Variants in DOCK7 observed in about 807,000 individuals in gnomAD.
DOCK7 encodes the protein dedicator of cytokinesis 7, also known as dedicator of cytokinesis protein 7.
In DOCK7, 138 loss-of-function variants were observed where a neutral mutation model predicts 271.0. The ratio of observed to expected loss-of-function variants is 0.51; its 90% confidence interval spans 0.44 to 0.59. The LOEUF (loss-of-function observed/expected upper bound fraction) is 0.59. Ranked by LOEUF, DOCK7 falls within the 20% of genes least tolerant of loss-of-function variation. DOCK7 has a pLI of 0.00. For synonymous variants in DOCK7, 823 were observed against 876.1 expected (o/e 0.94, Z 1.07); for missense variants, 2,066 against 2,592.4 (o/e 0.80, Z 4.41).
At chr1:62,612,810 G>A (rs1002969965) in intron 14 of DOCK7, among the ~76,000 whole-genome samples, 18 of 152,010 alleles carry the variant, frequency 1.2e-4, no homozygotes, top group African/African-American at 3.9e-4. Flanking sequence ...TCTTAGTAAC[G>A]CACCATGTTT....
chr1:62,542,623 G>T lies in DOCK7; in HGVS notation c.3030C>A (p.Phe1010Leu). 1 of 1,611,854 alleles carries T rather than the reference G, an allele frequency of 6.2e-7. No homozygotes were observed. Among genetic ancestry groups the T allele is most frequent in the Non-Finnish European group, 8.5e-7 (1 of 1,178,756 alleles). The stretch of plus-strand genomic sequence containing the variant: ...TTTTGCTCACCATTAATTCAAAAAA[G>T]AACCAGGCTTGTTGCAAAGCTGATT... ...VRESALQQAW[F>L]FFELMVKSMV... The change falls in exon 25 of 50, where the codon TTC (phenylalanine) becomes TTA (leucine). Residue 1010 changes from phenylalanine (F) to leucine (L), a missense_variant. Around this residue, in one of 2 missense-constraint regions of DOCK7, gnomAD observed 1,414 missense variants for 1,670.4 expected, o/e 0.85. Transcript: ENST00000635253.
intron 18 of DOCK7, among the ~76,000 whole-genome samples, chr1:62,568,022 C>T (rs1310960868): frequency 6.6e-6 from 1 of 152,070 alleles, no homozygotes; most frequent in Non-Finnish European, 1.5e-5. Context: ...CACTCCTCAG[C>T]AAATGCAAAA....
At chr1:62,583,389 T>C (rs1017367973) in intron 15 of DOCK7, 135 bp from the exon 16 acceptor site, 9 of 662,188 alleles carry the variant, frequency 1.4e-5, no homozygotes, top group African/African-American at 1.2e-4. Flanking sequence ...ACAATGTGCC[T>C]ACTGACGTTC....
chr1:62,529,479 G>A, intron 29 of DOCK7, 33 bp from the exon 30 acceptor site: 1 of 1,543,638 alleles, frequency 6.5e-7, no homozygotes, highest in Non-Finnish European at 8.8e-7. Context: ...AGAAGAAAAA[G>A]CAGTAAGGCC....
chr1:62,526,179 A>C (rs1363357808), intron 31 of DOCK7, among the ~76,000 whole-genome samples: 1 of 152,148 alleles, frequency 6.6e-6, no homozygotes, highest in Non-Finnish European at 1.5e-5. Context: ...GAGCTCAAGC[A>C]ATCCTCCCAC....
intron 22 of DOCK7, among the ~76,000 whole-genome samples, chr1:62,552,458 T>C (rs1645939637): frequency 6.6e-6 from 1 of 152,204 alleles, no homozygotes; most frequent in Admixed American, 6.5e-5. Context: ...TCTAGCCATT[T>C]TTCACATGAT....
intron 31 of DOCK7, among the ~76,000 whole-genome samples, chr1:62,526,572 G>A (rs1356207674): frequency 6.6e-6 from 1 of 151,936 alleles, no homozygotes; most frequent in Non-Finnish European, 1.5e-5. Flanking sequence ...TCCACTCTTA[G>A]GTATCTACCT....
chr1:62,459,961 T>C (rs10789111), intron 48 of DOCK7, among the ~76,000 whole-genome samples: 149,632 of 152,072 alleles, frequency 0.98, 73,667 homozygotes, highest in Middle Eastern at 1. Context: ...ATTAGCCAGG[T>C]GTGGTGGTGG....
intron 18 of DOCK7, among the ~76,000 whole-genome samples, chr1:62,575,380 G>C (rs962603463): frequency 6.6e-6 from 1 of 152,100 alleles, no homozygotes; most frequent in Non-Finnish European, 1.5e-5. Flanking sequence ...AGACAATGAG[G>C]ATGAAGGCCT....
chr1:62,469,193 A>C (rs1645760702), intron 48 of DOCK7, among the ~76,000 whole-genome samples: 1 of 152,250 alleles, frequency 6.6e-6, no homozygotes, highest in Non-Finnish European at 1.5e-5. Flanking sequence ...ATAGTCACCA[A>C]AACAGCATGA....
At chr1:62,632,970 A>C (rs11207999) in intron 10 of DOCK7, among the ~76,000 whole-genome samples, 63,729 of 151,650 alleles carry the variant, frequency 0.42, 15,177 homozygotes, top group African/African-American at 0.66. Flanking sequence ...GAGCAAGACT[A>C]TGTCTCAAAA....
chr1:62,462,849 C>T (rs1011309174), intron 48 of DOCK7, among the ~76,000 whole-genome samples: 3 of 148,606 alleles, frequency 2.0e-5, no homozygotes, highest in African/African-American at 7.4e-5. Context: ...CTTTGGCCTC[C>T]TGTGTAGCTG....
Position 62,476,092 on chromosome 1 carries a change from T to C in DOCK7, c.5699A>G (p.Asp1900Gly), listed in dbSNP as rs1645962052. The C allele has an allele frequency of 1.2e-6, 2 of 1,613,434 alleles. No individual in the cohort carries two copies. The highest frequency in any genetic ancestry group is 2.2e-5 in the South Asian group (2 of 91,056). Reference protein sequence around the residue: ...VEVIKDSNPVDKCKLDPNKAY... With the variant: ...VEVIKDSNPVGKCKLDPNKAY... Reference sequence around the variant, plus strand: ...CTTGTTAGGATCTAATTTACACTTGTCTACAGGATTAGAGTCTTTGATTAC... The same window carrying C: ...CTTGTTAGGATCTAATTTACACTTGCCTACAGGATTAGAGTCTTTGATTAC... The change falls in exon 45 of 50, where the codon GAC becomes GGC. Residue 1900 changes from aspartate to glycine, a missense_variant. By Grantham distance (94) the Asp-to-Gly change is moderately conservative (BLOSUM62 -1). Transcript: ENST00000635253.
intron 20 of DOCK7, among the ~76,000 whole-genome samples, chr1:62,556,645 T>G (rs1394792634): frequency 6.6e-6 from 1 of 152,114 alleles, no homozygotes. Context: ...TTACAAAAAT[T>G]GGAGAATTGT....
chr1:62,640,576 T>C (rs1655895624), intron 7 of DOCK7, among the ~76,000 whole-genome samples: 1 of 152,136 alleles, frequency 6.6e-6, no homozygotes. Context: ...CCTTTCAAAG[T>C]GATTTATTTG....
At chr1:62,516,314 C>A (rs893674946) in intron 31 of DOCK7, among the ~76,000 whole-genome samples, 1 of 152,088 alleles carries the variant, frequency 6.6e-6, no homozygotes, top group African/African-American at 2.4e-5. Context: ...ATAAAACCAA[C>A]CTGAGATTAG....
chr1:62,688,181 T>C (rs1662060849), intron 1 of DOCK7, 46 bp downstream of exon 1: 2 of 1,351,492 alleles, frequency 1.5e-6, no homozygotes, highest in Non-Finnish European at 1.9e-6. Flanking sequence ...ACTCCGCGGC[T>C]CTTTCTCGGG....
At chr1:62,620,293 T>C (rs2149589778) in intron 12 of DOCK7, among the ~76,000 whole-genome samples, 1 of 151,214 alleles carries the variant, frequency 6.6e-6, no homozygotes, top group South Asian at 2.1e-4. Flanking sequence ...CTAGCTGGGG[T>C]GATGGAGCAA....
Position 62,528,223 on chromosome 1 carries a change from G to C in DOCK7, c.3864C>G (p.Thr1288=), listed in dbSNP as rs138239872. The C allele has an allele frequency of 8.1e-6, 13 of 1,613,584 alleles. No homozygotes were observed. In the African/African-American group the frequency reaches 1.6e-4, roughly 20 times the overall value. ...ESESGSMISQ[T]VAMAIAGTSV... ...ATGTCCCTGCGATTGCCATGGCAAC[G>C]GTCTGGCTTATCATACTTCCGCTCT... The change falls in exon 31 of 50, where the codon ACC becomes ACG. Residue 1288 remains threonine (T), a synonymous_variant. Transcript: ENST00000635253.
Sources: gnomAD v4.1 joint callset for allele counts (sites outside exome capture counted in the v4.1 genomes callset) on GRCh38, gnomAD v4.1.1 for gene constraint, gnomAD v4.1.1 regional missense constraint, MANE v1.5 for transcripts, NCBI Gene and HGNC (gene_info 2026-07-23, HGNC 2026-07-21) for gene names.